Variants in PTPRM observed in about 807,000 individuals in gnomAD.
PTPRM encodes the protein protein tyrosine phosphatase receptor type M.
A neutral mutation model predicts 186.7 loss-of-function variants in PTPRM; 47 were observed. The observed-to-expected ratio is 0.25, with a 90% CI of 0.20 to 0.32. The LOEUF (loss-of-function observed/expected upper bound fraction) is 0.32, where lower values mean the gene tolerates loss of function less well. Among genes scored for constraint, PTPRM ranks in the 10% least tolerant of loss-of-function variants. PTPRM has a pLI of 1.00. For missense variants in PTPRM, 1,494 were observed against 1,865.0 expected, an observed-to-expected ratio of 0.80 and a Z score of 3.66; for synonymous variants, 668 against 674.9, an observed-to-expected ratio of 0.99 and a Z score of 0.16.
chr18:8,029,077 T>A (rs918140581), intron 7 of PTPRM, among the ~76,000 whole-genome samples: 9 of 152,242 alleles, frequency 5.9e-5, no homozygotes, highest in East Asian at 1.9e-4. Flanking sequence ...ATGGAGGCTG[T>A]GGTAACTTCC....
intron 2 of PTPRM, among the ~76,000 whole-genome samples, chr18:7,776,371 A>G (rs1353013320): frequency 1.3e-5 from 2 of 152,150 alleles, no homozygotes; most frequent in African/African-American, 2.4e-5. Flanking sequence ...GAGGAAAGGG[A>G]AGGACTGGCA....
chr18:8,240,623 GAGAGAGA>G (rs2094411439), intron 14 of PTPRM, among the ~76,000 whole-genome samples: 1 of 26,220 alleles, frequency 3.8e-5, no homozygotes, highest in African/African-American at 2.0e-4. Context: ...GGGAGGGAGA[GAGAGAGA>G]GAGAGAGAGA....
chr18:7,905,285 G>C (rs1329522072), intron 3 of PTPRM, among the ~76,000 whole-genome samples: 1 of 152,090 alleles, frequency 6.6e-6, no homozygotes, highest in African/African-American at 2.4e-5. Context: ...GAGCCACCGC[G>C]CCCAGCCCTG....
intron 2 of PTPRM, among the ~76,000 whole-genome samples, chr18:7,780,389 G>T (rs927185783): frequency 2.0e-5 from 3 of 152,136 alleles, no homozygotes; most frequent in African/African-American, 7.2e-5. Flanking sequence ...TTCTCTTCAC[G>T]TGAGAACATG....
intron 14 of PTPRM, among the ~76,000 whole-genome samples, chr18:8,180,889 T>G (rs2093563618): frequency 6.6e-6 from 1 of 152,158 alleles, no homozygotes; most frequent in African/African-American, 2.4e-5. Context: ...AGTGAGACAT[T>G]TAACTACTTC....
At chr18:8,110,656 G>A (rs532150913) in intron 11 of PTPRM, among the ~76,000 whole-genome samples, 44 of 152,226 alleles carry the variant, frequency 2.9e-4, no homozygotes, top group Admixed American at 1.8e-3. Context: ...CCAGGAGAAC[G>A]TCCTCCCTGA....
intron 19 of PTPRM, among the ~76,000 whole-genome samples, chr18:8,284,365 T>C (rs2094933937): frequency 6.6e-6 from 1 of 152,210 alleles, no homozygotes; most frequent in African/African-American, 2.4e-5. Context: ...TCTTCATTTT[T>C]CAAAGCATCA....
intron 20 of PTPRM, among the ~76,000 whole-genome samples, chr18:8,298,635 C>T (rs9949149): frequency 6.6e-6 from 1 of 152,078 alleles, no homozygotes; most frequent in Non-Finnish European, 1.5e-5. Flanking sequence ...CTTTGCACAT[C>T]GAAACCCGCT....
chr18:8,181,804 T>G (rs55824151), intron 14 of PTPRM, among the ~76,000 whole-genome samples: 2 of 152,228 alleles, frequency 1.3e-5, no homozygotes, highest in African/African-American at 4.8e-5. Flanking sequence ...CTGGCAGTGT[T>G]GCAAAGATAA....
intron 2 of PTPRM, among the ~76,000 whole-genome samples, chr18:7,776,329 C>T (rs1340797846): frequency 6.6e-6 from 1 of 152,018 alleles, no homozygotes; most frequent in African/African-American, 2.4e-5. Context: ...ATTGTTTGGA[C>T]CTGAGAGTGG....
At chr18:8,030,410 A>G (rs533111525) in intron 7 of PTPRM, among the ~76,000 whole-genome samples, 1 of 152,180 alleles carries the variant, frequency 6.6e-6, no homozygotes, top group Non-Finnish European at 1.5e-5. Context: ...GGAGTGTCCA[A>G]TAGTTCTTCC....
chr18:7,621,405 C>G (rs2143972636), intron 1 of PTPRM, among the ~76,000 whole-genome samples: 1 of 152,102 alleles, frequency 6.6e-6, no homozygotes, highest in South Asian at 2.1e-4. Flanking sequence ...GCATAGCCCC[C>G]CATTATCAAC....
intron 2 of PTPRM, among the ~76,000 whole-genome samples, chr18:7,808,544 G>A (rs1339355028): frequency 6.6e-6 from 1 of 152,186 alleles, no homozygotes; most frequent in Non-Finnish European, 1.5e-5. Context: ...GCAAAGAGTT[G>A]TCCTAATTTT....
Position 8,296,301 on chromosome 18 carries a change from C to T in PTPRM, c.2755-67C>T, listed in dbSNP as rs1241429855. ...CTTGTTCTACGTTTTTTAAGAACAT[C>T]CTCCATCGTTAAGATCCCTCTGTTT... is the stretch of plus-strand genomic sequence containing the variant. On this transcript the variant is annotated intron_variant, in intron 19 of 32. Coordinates refer to ENST00000580170, the MANE Select transcript of PTPRM (RefSeq NM_001105244.2). 3.0e-6 allele frequency: 3 copies of T among 984,240 alleles called. No individual in the cohort carries two copies. The African/African-American group carries it at 4.8e-5, about 16-fold the overall frequency. 61.0% of individuals were successfully genotyped at this position (984,240 alleles called of 1,614,324 possible).
chr18:7,950,476 G>A (rs1046056437), intron 6 of PTPRM, among the ~76,000 whole-genome samples: 1 of 152,144 alleles, frequency 6.6e-6, no homozygotes, highest in East Asian at 1.9e-4. Flanking sequence ...CTCAAGATAG[G>A]CAGCTTTAAA....
At chr18:7,927,295 C>G (rs544167544) in intron 5 of PTPRM, among the ~76,000 whole-genome samples, 1 of 152,198 alleles carries the variant, frequency 6.6e-6, no homozygotes, top group Non-Finnish European at 1.5e-5. Context: ...ATTGCCTGTC[C>G]CTTCTAACCA....
chr18:7,765,939 A>G (rs2041996969), intron 1 of PTPRM, among the ~76,000 whole-genome samples: 1 of 152,242 alleles, frequency 6.6e-6, no homozygotes, highest in African/African-American at 2.4e-5. Context: ...AGTGTATGTA[A>G]GTCAATTTAA....
intron 7 of PTPRM, among the ~76,000 whole-genome samples, chr18:8,039,052 T>C (rs1172596866): frequency 6.6e-6 from 1 of 152,134 alleles, no homozygotes; most frequent in African/African-American, 2.4e-5. Flanking sequence ...TCAGAAGTAA[T>C]TACCAAATTC....
chr18:8,154,656 A>T (rs2146272978), intron 14 of PTPRM: 1 of 152,344 alleles, frequency 6.6e-6, no homozygotes, highest in African/African-American at 2.4e-5. Flanking sequence ...TCTATAAAAA[A>T]ATAGTTGTGG....
Sources: allele counts gnomAD v4.1 joint callset (sites outside exome capture counted in the v4.1 genomes callset), GRCh38; gene constraint gnomAD v4.1.1; transcripts MANE v1.5; gene names NCBI Gene and HGNC (gene_info 2026-07-23, HGNC 2026-07-21).